The following PAN3 variants were observed in gnomAD, a reference collection of about 807,000 sequenced individuals.
PAN3 encodes poly(A) specific ribonuclease subunit PAN3, also known as PAN2-PAN3 deadenylation complex subunit PAN3.
In PAN3, 19 loss-of-function variants were observed where a neutral mutation model predicts 96.2. The observed-to-expected ratio is 0.20, with a 90% CI of 0.14 to 0.29. The LOEUF (loss-of-function observed/expected upper bound fraction) is 0.29. Ranked by LOEUF, PAN3 falls within the 10% of genes least tolerant of loss-of-function variation. PAN3 has a pLI of 1.00. For synonymous variants in PAN3, 433 were observed against 406.6 expected, an observed-to-expected ratio of 1.06 and a Z score of -0.78; for missense variants, 882 against 1,108.1, an observed-to-expected ratio of 0.80 and a Z score of 2.90.
Position 28,293,658 on chromosome 13 carries a change from T to C in PAN3, c.*1136T>C, listed in dbSNP as rs1358709599. 3 of 152,626 alleles carry C rather than the reference T, an allele frequency of 2.0e-5. No individual in the cohort carries two copies. The highest frequency in any genetic ancestry group is 4.4e-5 in the Non-Finnish European group (3 of 68,046). The allele number at this position is 152,626 out of a possible 1,614,324, so 9.5% of individuals were successfully genotyped here. ...TTTGATAATAACTCACTCTGTGCGATATTCCTGAATAAGTCCATCTCAAAA... is the reference window on the plus strand; with the variant it reads ...TTTGATAATAACTCACTCTGTGCGACATTCCTGAATAAGTCCATCTCAAAA... On this transcript the variant is annotated 3_prime_UTR_variant, in exon 19 of 19. Coordinates refer to ENST00000380958, the MANE Select transcript of PAN3 (RefSeq NM_175854.8).
chr13:28,159,144 A>G (rs1006800293), intron 1 of PAN3, among the ~76,000 whole-genome samples: 4 of 152,168 alleles, frequency 2.6e-5, no homozygotes, highest in Non-Finnish European at 5.9e-5. Flanking sequence ...TGTCATAAAG[A>G]CGCATGAATA....
intron 6 of PAN3, among the ~76,000 whole-genome samples, chr13:28,228,212 C>G (rs1022014729): frequency 6.6e-6 from 1 of 152,190 alleles, no homozygotes; most frequent in East Asian, 1.9e-4. Context: ...AGGAATGAAT[C>G]AGATGGTTGT....
intron 15 of PAN3, among the ~76,000 whole-genome samples, chr13:28,277,984 TGGA>T (rs1887193142): frequency 6.6e-6 from 1 of 152,260 alleles, no homozygotes; most frequent in Non-Finnish European, 1.5e-5. Context: ...ACCCATTGTG[TGGA>T]CTACTGTCAC....
intron 7 of PAN3, among the ~76,000 whole-genome samples, chr13:28,258,021 G>A (rs916786572): frequency 6.6e-6 from 1 of 151,760 alleles, no homozygotes; most frequent in Non-Finnish European, 1.5e-5. Context: ...CAGTTGATCA[G>A]TTGGCCAGGC....
At chr13:28,265,609 G>C (rs1185332296) in intron 9 of PAN3, among the ~76,000 whole-genome samples, 1 of 152,152 alleles carries the variant, frequency 6.6e-6, no homozygotes, top group Admixed American at 6.6e-5. Flanking sequence ...TTTGGCAAAT[G>C]CAGAGGAAGG....
At position 28,293,828 on chromosome 13, in the gene PAN3, A is replaced by G. The variant is rs1204497259; in HGVS notation, c.*1306A>G. 1 of 152,562 alleles carries G rather than the reference A, an allele frequency of 6.6e-6. No individual in the cohort carries two copies. The highest frequency in any genetic ancestry group is 6.5e-5 in the Admixed American group (1 of 15,270). 9.5% of individuals were successfully genotyped at this position (152,562 alleles called of 1,614,324 possible). A position where few individuals can be genotyped will look rare whatever the true frequency, so the allele number is the denominator to read the frequency against. The stretch of plus-strand genomic sequence containing the variant: ...AAATACATAGGAATTTTCTTTCTTA[A>G]AAAACAGTAATGAAGACTATATCTC... On this transcript the variant is annotated 3_prime_UTR_variant, in exon 19 of 19. Transcript: ENST00000380958.
rs761681857 is a variant in PAN3 at position 28,267,065 on chromosome 13, G to C, written c.1574-30G>C. On this transcript the variant is annotated intron_variant, in intron 10 of 18. Transcript: ENST00000380958. ...GAATATGAAGGAGACGTCAATTAGA[G>C]TTTACTGGAGTAGAAAAATTGTCTT... is the stretch of plus-strand genomic sequence containing the variant. The C allele has an allele frequency of 7.1e-6, 11 of 1,556,436 alleles. No homozygotes were observed. The South Asian group carries it at 1.2e-4, about 16-fold the overall frequency.
At chr13:28,244,291 A>T (rs1258604029) in intron 6 of PAN3, among the ~76,000 whole-genome samples, 1 of 152,216 alleles carries the variant, frequency 6.6e-6, no homozygotes, top group Non-Finnish European at 1.5e-5. Flanking sequence ...GTTTCTTCAT[A>T]ACAGCATATT....
intron 5 of PAN3, among the ~76,000 whole-genome samples, chr13:28,208,334 A>C (rs1443763543): frequency 6.6e-6 from 1 of 152,170 alleles, no homozygotes; most frequent in Non-Finnish European, 1.5e-5. Context: ...ACTTTCCTGT[A>C]CTACTTATTC....
chr13:28,151,376 A>G (rs1055760028), intron 1 of PAN3, among the ~76,000 whole-genome samples: 3 of 151,984 alleles, frequency 2.0e-5, no homozygotes, highest in African/African-American at 4.8e-5. Flanking sequence ...TTAGCCGGGC[A>G]TGGTGGTGGG....
At chr13:28,240,383 A>G (rs1349879898) in intron 6 of PAN3, among the ~76,000 whole-genome samples, 2 of 152,194 alleles carry the variant, frequency 1.3e-5, no homozygotes, top group African/African-American at 4.8e-5. Context: ...ATGCTGTGGG[A>G]TGACATAGAA....
chr13:28,256,482 T>C lies in PAN3; in HGVS notation c.1191T>C (p.Thr397=). 6.2e-7 allele frequency: 1 copy of C among 1,614,054 alleles called. No homozygotes were observed. Among genetic ancestry groups the C allele is most frequent in the Non-Finnish European group, 8.5e-7 (1 of 1,179,944 alleles). Residue 397 remains threonine, a synonymous_variant, in exon 7 of 19, where the codon ACT becomes ACC. Transcript: ENST00000380958. The part of the protein sequence containing the change: ...PSSGQVIQKE[T]VGGTTYFYTD... ...CTGGTCAGGTGATCCAAAAGGAAACTGTTGGTGGGACGACTTACTTCTATA... is the reference window on the plus strand; with the variant it reads ...CTGGTCAGGTGATCCAAAAGGAAACCGTTGGTGGGACGACTTACTTCTATA...
intron 6 of PAN3, among the ~76,000 whole-genome samples, chr13:28,238,557 A>G (rs545668601): frequency 2.0e-5 from 3 of 152,358 alleles, no homozygotes; most frequent in Admixed American, 2.0e-4. Context: ...TGTTCATGTT[A>G]AAACTTGGAA....
In PAN3 at chr13:28,271,986, G is replaced by A; in HGVS notation, c.1964G>A (p.Arg655Gln). 6 of 1,557,302 alleles carry A rather than the reference G, an allele frequency of 3.9e-6. No individual in the cohort carries two copies. Among genetic ancestry groups the A allele is most frequent in the African/African-American group, 1.4e-5 (1 of 72,828 alleles). ...AAATTATCTGGTCCTTAAAGGTTGC[G>A]AGTAAATTGTGTTGGAGTTTTTGAT... Reference protein sequence around the residue: ...KILITGKTRLRVNCVGVFDVL... With the variant: ...KILITGKTRLQVNCVGVFDVL... Residue 655 changes from arginine to glutamine, a missense_variant, in exon 14 of 19, where the codon CGA (arginine) becomes CAA (glutamine). Arg to Gln is a conservative substitution (Grantham distance 43, BLOSUM62 1). Coordinates refer to ENST00000380958, the MANE Select transcript of PAN3 (RefSeq NM_175854.8).
chr13:28,185,066 G>T (rs994347962), intron 4 of PAN3, among the ~76,000 whole-genome samples: 1 of 152,012 alleles, frequency 6.6e-6, no homozygotes. Context: ...TTAGTAATTC[G>T]AATATAAAGG....
At chr13:28,197,451 A>T in intron 5 of PAN3, 105 bp downstream of exon 5, 2 of 1,103,008 alleles carry the variant, frequency 1.8e-6, no homozygotes, top group Non-Finnish European at 2.5e-6. Flanking sequence ...CTTAGCTGGT[A>T]TACTTAGGTA....
intron 6 of PAN3, among the ~76,000 whole-genome samples, chr13:28,242,277 T>A (rs985126065): frequency 3.9e-5 from 6 of 152,228 alleles, no homozygotes; most frequent in Non-Finnish European, 8.8e-5. Flanking sequence ...GTGATGGCCT[T>A]TGTCAGTGCA....
rs774230193 is a variant in PAN3 at position 28,260,487 on chromosome 13, A to G, written c.1289A>G (p.His430Arg). The G allele has an allele frequency of 1.2e-6, 2 of 1,613,592 alleles. No individual in the cohort carries two copies. Among genetic ancestry groups the G allele is most frequent in the East Asian group, 2.2e-5 (1 of 44,856 alleles). Residue 430 changes from histidine to arginine, a missense_variant, in exon 8 of 19, where the codon CAC becomes CGC. His to Arg is a conservative substitution (Grantham distance 29, BLOSUM62 0). This residue lies in a region of PAN3 where 364 missense variants were observed against 513.6 expected (regional missense o/e 0.71). Coordinates refer to ENST00000380958, the MANE Select transcript of PAN3 (RefSeq NM_175854.8). The part of the protein sequence containing the change: ...NYHIYPPTAP[H>R]VAYMQPKANA... ...CATATTTATCCTCCAACTGCACCTCACGTTGCTTATATGCAACCGAAAGCA... is the reference window on the plus strand; with the variant it reads ...CATATTTATCCTCCAACTGCACCTCGCGTTGCTTATATGCAACCGAAAGCA...
intron 6 of PAN3, among the ~76,000 whole-genome samples, chr13:28,239,385 T>C (rs1241130520): frequency 6.6e-6 from 1 of 152,180 alleles, no homozygotes; most frequent in Non-Finnish European, 1.5e-5. Flanking sequence ...TTTAACAATC[T>C]CACTGTAACT....
Sources: gnomAD v4.1 joint callset for allele counts (sites outside exome capture counted in the v4.1 genomes callset) on GRCh38, gnomAD v4.1.1 for gene constraint, gnomAD v4.1.1 regional missense constraint, MANE v1.5 for transcripts, NCBI Gene and HGNC (gene_info 2026-07-23, HGNC 2026-07-21) for gene names.